The following PCDH11X variants were observed in gnomAD, a reference collection of about 807,000 sequenced individuals.
PCDH11X encodes the protein protocadherin-11 X-linked.
PCDH11X carries 18 observed loss-of-function variants against 53.3 expected under a neutral mutation model. The ratio of observed to expected loss-of-function variants is 0.34; its 90% CI spans 0.23 to 0.50. The LOEUF is 0.50. Among genes scored for constraint, PCDH11X ranks in the 20% least tolerant of loss-of-function variants. The pLI is 0.98. For synonymous variants in PCDH11X, 279 were observed against 393.3 expected (o/e 0.71, Z 3.44); for missense variants, 570 against 1,032.4 (o/e 0.55, Z 6.14).
intron 6 of PCDH11X, among the ~76,000 whole-genome samples, chrX:92,012,435 A>G (rs1201920608): frequency 3.6e-5 from 4 of 111,580 alleles, no homozygotes; most frequent in Non-Finnish European, 7.5e-5. Flanking sequence ...CTTCTGTAAG[A>G]GGACTTTTTT....
chrX:92,375,334 C>A (rs1182196596), intron 8 of PCDH11X, among the ~76,000 whole-genome samples: 1 of 98,240 alleles, frequency 1.0e-5, no homozygotes, highest in Non-Finnish European at 2.0e-5. Context: ...CACCACCAAG[C>A]CTGGCTAATT....
chrX:92,497,272 G>A (rs894675541), intron 10 of PCDH11X, among the ~76,000 whole-genome samples: 3 of 110,255 alleles, frequency 2.7e-5, no homozygotes, highest in Non-Finnish European at 5.7e-5. Flanking sequence ...GACTAAAACT[G>A]GGCTAAGTAG....
At chrX:92,529,150 T>C (rs1227098536) in intron 10 of PCDH11X, among the ~76,000 whole-genome samples, 1 of 111,758 alleles carries the variant, frequency 8.9e-6, no homozygotes. Flanking sequence ...CACAGTAGGA[T>C]TGATGTTTAC....
intron 10 of PCDH11X, among the ~76,000 whole-genome samples, chrX:92,613,028 C>A (rs1006725969): frequency 1.9e-4 from 21 of 109,844 alleles, no homozygotes; most frequent in Non-Finnish European, 3.6e-4. Flanking sequence ...CTGTTGAAGA[C>A]AGCAGACTGA....
At chrX:92,384,959 G>A (rs1238985531) in intron 8 of PCDH11X, among the ~76,000 whole-genome samples, 1 of 100,889 alleles carries the variant, frequency 9.9e-6, no homozygotes, top group East Asian at 3.0e-4. Flanking sequence ...TTCTCCCAAA[G>A]TTAGTTCAGC....
intron 6 of PCDH11X, among the ~76,000 whole-genome samples, chrX:92,148,057 CCTTTCTTTCTTTCTTT>C (rs1190209890): frequency 0.015 from 254 of 16,916 alleles, 10 homozygotes; most frequent in Non-Finnish European, 0.017. Context: ...TTCCTTCCTT[CCTTTCTTTCTTTCTTT>C]CTTTCTTTCT....
intron 6 of PCDH11X, among the ~76,000 whole-genome samples, chrX:92,186,732 A>C (rs1285557972): frequency 9.0e-6 from 1 of 110,869 alleles, no homozygotes; most frequent in Non-Finnish European, 1.9e-5. Flanking sequence ...ACAGATAGAT[A>C]GGAGGAATAG....
At chrX:91,864,801 C>T (rs1451503693) in intron 5 of PCDH11X, among the ~76,000 whole-genome samples, 1 of 111,654 alleles carries the variant, frequency 9.0e-6, no homozygotes, top group East Asian at 2.8e-4. Flanking sequence ...CATTAAAAGA[C>T]TCTGACACAT....
At chrX:92,136,168 T>C in intron 6 of PCDH11X, among the ~76,000 whole-genome samples, 1 of 110,858 alleles carries the variant, frequency 9.0e-6, no homozygotes, top group African/African-American at 3.3e-5. Context: ...GTCAAACATC[T>C]TGTTGAAATT....
At chrX:92,503,872 C>T (rs2074004582) in intron 10 of PCDH11X, among the ~76,000 whole-genome samples, 1 of 108,576 alleles carries the variant, frequency 9.2e-6, no homozygotes, top group African/African-American at 3.4e-5. Flanking sequence ...AAATAAAAGT[C>T]GAATTAAAAA....
At chrX:92,172,833 G>A (rs1286183064) in intron 6 of PCDH11X, among the ~76,000 whole-genome samples, 1 of 111,739 alleles carries the variant, frequency 8.9e-6, no homozygotes, top group Non-Finnish European at 1.9e-5. Context: ...ATTTTTACAT[G>A]CATGGAAGTA....
At chrX:92,175,957 T>A (rs2065903913) in intron 6 of PCDH11X, among the ~76,000 whole-genome samples, 1 of 110,378 alleles carries the variant, frequency 9.1e-6, no homozygotes, top group African/African-American at 3.3e-5. Context: ...ATATTGCAAT[T>A]TTTCCATTTA....
Position 91,943,979 on chromosome X carries a change from T to A in PCDH11X, c.3033+64706T>A, listed in dbSNP as rs760816515. 1.6e-3 allele frequency among the ~76,000 whole-genome samples: 162 copies of A among 102,541 alleles called. 1 individual carries two copies. The highest frequency in any genetic ancestry group is 5.3e-3 in the African/African-American group (152 of 28,830). 89.0% of individuals were successfully genotyped at this position (102,541 alleles called of 115,157 possible). A position where few individuals can be genotyped will look rare whatever the true frequency, so the allele number is the denominator to read the frequency against. On this transcript the variant is annotated intron_variant, in intron 6 of 10. Coordinates refer to ENST00000682573, the MANE Select transcript of PCDH11X (RefSeq NM_032968.5). ...TTTCACCTTAGCTGGCTTAGCTGCT[T>A]TTCTCCTTTCAGAAGTGCATATCCC...
At chrX:92,596,218 G>A (rs1028737647) in intron 10 of PCDH11X, among the ~76,000 whole-genome samples, 5 of 112,252 alleles carry the variant, frequency 4.5e-5, no homozygotes, top group East Asian at 5.6e-4. Flanking sequence ...GTGAGTACGC[G>A]CAGATGGCTG....
At chrX:92,392,454 TTTGA>T (rs1291205344) in intron 9 of PCDH11X, among the ~76,000 whole-genome samples, 1 of 110,296 alleles carries the variant, frequency 9.1e-6, no homozygotes, top group Non-Finnish European at 1.9e-5. Context: ...GGCAAGGCAC[TTTGA>T]TTGATCTTCT....
At chrX:91,818,685 C>T (rs1410433507) in intron 4 of PCDH11X, among the ~76,000 whole-genome samples, 4 of 96,583 alleles carry the variant, frequency 4.1e-5, no homozygotes, top group African/African-American at 8.6e-5. Flanking sequence ...GGTGACAGAG[C>T]GAGACTCTAT....
chrX:92,011,922 A>G (rs1314281817), intron 6 of PCDH11X, among the ~76,000 whole-genome samples: 2 of 110,537 alleles, frequency 1.8e-5, no homozygotes, highest in Non-Finnish European at 3.8e-5. Context: ...CAGTCTCAGA[A>G]TCTAGGCCTT....
At chrX:92,269,973 G>A (rs1421328779) in intron 8 of PCDH11X, among the ~76,000 whole-genome samples, 1 of 110,780 alleles carries the variant, frequency 9.0e-6, no homozygotes, top group African/African-American at 3.3e-5. Flanking sequence ...GACTTTTCTG[G>A]AAATTTTTCT....
intron 6 of PCDH11X, among the ~76,000 whole-genome samples, chrX:92,108,934 C>T (rs1176410428): frequency 9.0e-6 from 1 of 111,580 alleles, no homozygotes; most frequent in Non-Finnish European, 1.9e-5. Context: ...TTCACCTTGC[C>T]CGCTGCCTAG....
Sources: allele counts gnomAD v4.1 joint callset (sites outside exome capture counted in the v4.1 genomes callset), GRCh38; gene constraint gnomAD v4.1.1; transcripts MANE v1.5; gene names NCBI Gene and HGNC (gene_info 2026-07-23, HGNC 2026-07-21).